Variants in FAM169A observed in about 807,000 individuals in gnomAD.
The protein encoded by FAM169A is soluble lamin-associated protein of 75 kDa.
A neutral mutation model predicts 75.7 loss-of-function variants in FAM169A; 24 were observed. The ratio of observed to expected loss-of-function variants is 0.32; its 90% CI spans 0.23 to 0.45. The LOEUF is 0.45. FAM169A is among the 20% of genes least tolerant of loss of function. FAM169A has a pLI of 1.00. For synonymous variants in FAM169A, 271 were observed against 271.0 expected, an observed-to-expected ratio of 1.00 and a Z score of 0.00; for missense variants, 673 against 784.0, an observed-to-expected ratio of 0.86 and a Z score of 1.69.
At chr5:74,789,252 GA>G (rs1745854131) in intron 11 of FAM169A, among the ~76,000 whole-genome samples, 1 of 152,220 alleles carries the variant, frequency 6.6e-6, no homozygotes, top group African/African-American at 2.4e-5. Flanking sequence ...TGGACTTATT[GA>G]TGAGACATTT....
At chr5:74,811,398 G>A (rs1040901357) in intron 6 of FAM169A, among the ~76,000 whole-genome samples, 1 of 152,156 alleles carries the variant, frequency 6.6e-6, no homozygotes, top group African/African-American at 2.4e-5. Flanking sequence ...CTCAAATTCA[G>A]TAAAGCAGTA....
intron 5 of FAM169A, among the ~76,000 whole-genome samples, chr5:74,825,276 A>C (rs1455542445): frequency 6.6e-6 from 1 of 152,188 alleles, no homozygotes; most frequent in African/African-American, 2.4e-5. Context: ...TAGATCAGTC[A>C]ATCTTTAGAA....
intron 1 of FAM169A, among the ~76,000 whole-genome samples, chr5:74,861,461 C>T (rs1236806599): frequency 6.6e-6 from 1 of 152,156 alleles, no homozygotes; most frequent in African/African-American, 2.4e-5. Flanking sequence ...GTTGACCAGA[C>T]ATAGTGGCTC....
In FAM169A at chr5:74,781,590, G is replaced by A. The variant is rs554768931; in HGVS notation, c.1883C>T (p.Ser628Leu). ...GCTGCTATCCACAGCTTTTTCTGCCGATTGTGTAAACTGATCCAGTTGCTC... is the reference window on the plus strand; with the variant it reads ...GCTGCTATCCACAGCTTTTTCTGCCAATTGTGTAAACTGATCCAGTTGCTC... ...SSEQLDQFTQ[S>L]AEKAVDSSSE... The change falls in exon 13 of 13, where the codon TCG becomes TTG. Residue 628 changes from serine to leucine, a missense_variant. Ser to Leu is a moderately radical substitution (Grantham distance 145). Around this residue, in one of 3 missense-constraint regions of FAM169A, gnomAD observed 510 missense variants for 550.9 expected, o/e 0.93. Coordinates refer to ENST00000687041, the MANE Select transcript of FAM169A (RefSeq NM_001376049.1). 1.5e-5 allele frequency: 24 copies of A among 1,614,096 alleles called. No homozygotes were observed. Among genetic ancestry groups the A allele is most frequent in the East Asian group, 1.1e-4 (5 of 44,884 alleles).
chr5:74,805,524 C>CTT (rs1194674402), intron 6 of FAM169A, among the ~76,000 whole-genome samples: 2,244 of 81,686 alleles, frequency 0.027, 187 homozygotes, highest in African/African-American at 0.096. Flanking sequence ...ATGTGCTTCG[C>CTT]TTTTTTTTTT....
intron 4 of FAM169A, 41 bp downstream of exon 4, chr5:74,838,924 T>C (rs1350187464): frequency 2.2e-6 from 3 of 1,343,682 alleles, no homozygotes; most frequent in Non-Finnish European, 3.2e-6. Context: ...CACTGTGAAA[T>C]GGCCTCAAAA....
Position 74,783,029 on chromosome 5 carries a change from A to G in FAM169A, c.1366T>C (p.Leu456=). 1.2e-6 allele frequency: 2 copies of G among 1,613,924 alleles called. No homozygotes were observed. Among genetic ancestry groups the G allele is most frequent in the South Asian group, 1.1e-5 (1 of 91,078 alleles). The change falls in exon 12 of 13, where the codon TTA becomes CTA. Residue 456 remains leucine, a synonymous_variant. Coordinates refer to ENST00000687041, the MANE Select transcript of FAM169A (RefSeq NM_001376049.1). Reference sequence around the variant, plus strand: ...CTGGAATTAAAAGGCTGCAATTTTAATTCTTCATCTAAAACTTCACTAGTG... The same window carrying G: ...CTGGAATTAAAAGGCTGCAATTTTAGTTCTTCATCTAAAACTTCACTAGTG... ...DSTSEVLDEE[L]KLQPFNSSED... is the part of the protein sequence containing the mutation.
chr5:74,782,957 G>T lies in FAM169A; in HGVS notation c.1438C>A (p.Pro480Thr), dbSNP rs1370316180. ...TTATCTGGTGCATCTACCTCAGGGG[G>T]TTTTGAAGATTCTACCACCAGTGGA... Reference protein sequence around the residue: ...LVPLVVESSKPPEVDAPDKTP... With the variant: ...LVPLVVESSKTPEVDAPDKTP... Residue 480 changes from proline (P) to threonine (T), a missense_variant, in exon 12 of 13, where the codon CCC becomes ACC. Physicochemically the swap from Pro to Thr is conservative, Grantham distance 38. This residue lies in a region of FAM169A where 510 missense variants were observed against 550.9 expected (regional missense o/e 0.93). Coordinates refer to ENST00000687041, the MANE Select transcript of FAM169A (RefSeq NM_001376049.1). The T allele has an allele frequency of 6.2e-7, 1 of 1,613,576 alleles. No individual in the cohort carries two copies. The highest frequency in any genetic ancestry group is 1.1e-5 in the South Asian group (1 of 91,050).
At chr5:74,803,675 G>A (rs1746705200) in intron 8 of FAM169A, among the ~76,000 whole-genome samples, 1 of 152,158 alleles carries the variant, frequency 6.6e-6, no homozygotes, top group Admixed American at 6.5e-5. Context: ...ATTTTAAGCA[G>A]TACCACAAAA....
intron 1 of FAM169A, among the ~76,000 whole-genome samples, chr5:74,862,605 T>C (rs1750095159): frequency 6.6e-6 from 1 of 152,218 alleles, no homozygotes; most frequent in Non-Finnish European, 1.5e-5. Context: ...AATGTTTGTC[T>C]CATCTTTAAG....
At chr5:74,831,624 AG>A (rs1748313769) in intron 5 of FAM169A, among the ~76,000 whole-genome samples, 1 of 152,096 alleles carries the variant, frequency 6.6e-6, no homozygotes, top group Non-Finnish European at 1.5e-5. Flanking sequence ...ATTTCCTTTG[AG>A]GGTCTTGTTG....
At chr5:74,788,107 C>T (rs1745787932) in intron 11 of FAM169A, among the ~76,000 whole-genome samples, 1 of 152,202 alleles carries the variant, frequency 6.6e-6, no homozygotes, top group African/African-American at 2.4e-5. Context: ...GACTACTGGA[C>T]ACTGGCTCTG....
At position 74,801,622 on chromosome 5, in the gene FAM169A, G is replaced by A. The variant is rs1268361274; in HGVS notation, c.920C>T (p.Ser307Phe). The A allele has an allele frequency of 6.2e-7, 1 of 1,608,418 alleles. No individual in the cohort carries two copies. Among genetic ancestry groups the A allele is most frequent in the Non-Finnish European group, 8.5e-7 (1 of 1,177,286 alleles). ...QSSEMQLTID[S>F]LKDAFASTSE... is the part of the protein sequence containing the mutation. ...AGTGCTTGCAAAGGCATCTTTTAGA[G>A]AATCAATCTAAAAAAGAGAGAGATT... The change falls in exon 9 of 13, where the codon TCT (serine) becomes TTT (phenylalanine). Residue 307 changes from serine to phenylalanine, a missense_variant. Physicochemically the swap from Ser to Phe is radical, Grantham distance 155 (BLOSUM62 -2). This residue lies in a region of FAM169A where 510 missense variants were observed against 550.9 expected (regional missense o/e 0.93). Coordinates refer to ENST00000687041, the MANE Select transcript of FAM169A (RefSeq NM_001376049.1).
chr5:74,831,580 C>G (rs1371862732), intron 5 of FAM169A, among the ~76,000 whole-genome samples: 2 of 152,094 alleles, frequency 1.3e-5, no homozygotes, highest in Non-Finnish European at 2.9e-5. Flanking sequence ...CAACCCTAAT[C>G]CAAACATCCA....
chr5:74,866,166 T>A lies in FAM169A; in HGVS notation c.-5A>T, dbSNP rs1750330370. The A allele has an allele frequency of 2.0e-6, 2 of 983,388 alleles. No individual in the cohort carries two copies. The highest frequency in any genetic ancestry group is 2.4e-6 in the Non-Finnish European group (2 of 829,000). The allele number at this position is 983,388 out of a possible 1,614,324, so 60.9% of individuals were successfully genotyped here. On this transcript the variant is annotated splice_region_variant and 5_prime_UTR_variant, in exon 1 of 13. Coordinates refer to ENST00000687041, the MANE Select transcript of FAM169A (RefSeq NM_001376049.1). ...GCCGGGGAGAGGGAGCGCACTCACC[T>A]CAGACGCGCCCCGGGAGCCGCTGGA...
intron 1 of FAM169A, among the ~76,000 whole-genome samples, chr5:74,861,709 C>T (rs1750045097): frequency 6.6e-6 from 1 of 152,094 alleles, no homozygotes; most frequent in African/African-American, 2.4e-5. Context: ...TCTCTTCTTC[C>T]TCTCCTCACA....
At chr5:74,808,956 T>C (rs1354571212) in intron 6 of FAM169A, among the ~76,000 whole-genome samples, 2 of 152,198 alleles carry the variant, frequency 1.3e-5, no homozygotes, top group Non-Finnish European at 2.9e-5. Flanking sequence ...TCCCTGTATA[T>C]TTGAAAATAT....
chr5:74,862,903 T>C lies in FAM169A; in HGVS notation c.-4+3262A>G, dbSNP rs1457602152. On this transcript the variant is annotated intron_variant, in intron 1 of 12. Transcript: ENST00000687041. Reference sequence around the variant, plus strand: ...CTATAGACTCCGTGACAGTAGGGCCTGTTTGTGACCTACAACACACAACAG... The same window carrying C: ...CTATAGACTCCGTGACAGTAGGGCCCGTTTGTGACCTACAACACACAACAG... 2.6e-5 allele frequency among the ~76,000 whole-genome samples: 4 copies of C among 152,146 alleles called. No homozygotes were observed. In the East Asian group the frequency reaches 5.8e-4, roughly 22 times the overall value.
At chr5:74,811,308 T>G (rs932448759) in intron 6 of FAM169A, among the ~76,000 whole-genome samples, 3 of 152,194 alleles carry the variant, frequency 2.0e-5, no homozygotes, top group Non-Finnish European at 2.9e-5. Context: ...CATTTGGTAT[T>G]CAATTTATTT....
Sources: gnomAD v4.1 joint callset for allele counts (sites outside exome capture counted in the v4.1 genomes callset) on GRCh38, gnomAD v4.1.1 for gene constraint, gnomAD v4.1.1 regional missense constraint, MANE v1.5 for transcripts, NCBI Gene and HGNC (gene_info 2026-07-23, HGNC 2026-07-21) for gene names.